The following CCDC88C variants were observed in gnomAD, a reference collection of about 807,000 sequenced individuals.
CCDC88C encodes the protein coiled-coil and HOOK domain protein 88C.
In CCDC88C, 131 loss-of-function variants were observed where a neutral mutation model predicts 198.8. The ratio of observed to expected loss-of-function variants is 0.66; its 90% CI spans 0.57 to 0.76. The LOEUF (loss-of-function observed/expected upper bound fraction) is 0.76, where lower values mean the gene tolerates loss of function less well. Ranked by LOEUF, CCDC88C falls within the 30% of genes least tolerant of loss-of-function variation. The pLI, the probability that CCDC88C is intolerant of heterozygous loss-of-function variation, is 0.00. For synonymous variants in CCDC88C, 1,166 were observed against 1,114.7 expected, an observed-to-expected ratio of 1.05 and a Z score of -0.92; for missense variants, 2,553 against 2,631.6, an observed-to-expected ratio of 0.97 and a Z score of 0.65.
chr14:91,369,269 T>C (rs1285815), intron 3 of CCDC88C, among the ~76,000 whole-genome samples: 124,532 of 152,222 alleles, frequency 0.82, 51,429 homozygotes, highest in African/African-American at 0.86. Flanking sequence ...TGCAATGGCG[T>C]GATCTCGGCT....
At chr14:91,307,792 GCA>G (rs1210990264) in intron 17 of CCDC88C, among the ~76,000 whole-genome samples, 6 of 152,220 alleles carry the variant, frequency 3.9e-5, no homozygotes, top group Non-Finnish European at 7.3e-5. Flanking sequence ...TGTGGAGTGT[GCA>G]CACACGTGGT....
At chr14:91,301,892 A>G (rs1288118847) in intron 20 of CCDC88C, among the ~76,000 whole-genome samples, 1 of 152,202 alleles carries the variant, frequency 6.6e-6, no homozygotes, top group African/African-American at 2.4e-5. Context: ...GTCTAGACAC[A>G]GCACCACGTA....
Position 91,313,447 on chromosome 14 carries a change from C to G in CCDC88C, c.2369G>C (p.Gly790Ala). 6.2e-7 allele frequency: 1 copy of G among 1,607,546 alleles called. No homozygotes were observed. Among genetic ancestry groups the G allele is most frequent in the Non-Finnish European group, 8.5e-7 (1 of 1,179,640 alleles). Residue 790 changes from glycine (G) to alanine (A), a missense_variant, in exon 15 of 30, where the codon GGC becomes GCC. By Grantham distance (60) the Gly-to-Ala change is moderately conservative (BLOSUM62 0). Coordinates refer to ENST00000389857, the MANE Select transcript of CCDC88C (RefSeq NM_001080414.4). The surrounding 1 kb of genome is among the most constrained non-coding windows in gnomAD (Gnocchi z 5.2). Reference sequence around the variant, plus strand: ...CGCCTGGCGCTCAGCCTCCAGCTCGCCCAGCTCACTCTCCAAGGTCTGCGT... The same window carrying G: ...CGCCTGGCGCTCAGCCTCCAGCTCGGCCAGCTCACTCTCCAAGGTCTGCGT... Reference protein sequence around the residue: ...HKTQTLESELGELEAERQALR... With the variant: ...HKTQTLESELAELEAERQALR...
At chr14:91,395,871 G>A (rs890088021) in intron 3 of CCDC88C, among the ~76,000 whole-genome samples, 1 of 152,084 alleles carries the variant, frequency 6.6e-6, no homozygotes, top group Non-Finnish European at 1.5e-5. Flanking sequence ...CCAGTGGAAC[G>A]TGGCAGCCTT....
At chr14:91,285,846 T>C (rs1224344810) in intron 25 of CCDC88C, 1 of 1,278,890 alleles carries the variant, frequency 7.8e-7, no homozygotes, top group Non-Finnish European at 1.0e-6. Flanking sequence ...GCTAAATTGT[T>C]ATCAATCGGA....
At position 91,290,812 on chromosome 14, in the gene CCDC88C, C is replaced by T. The variant is rs2277508; in HGVS notation, c.4202+183G>A. ...TTGGGGTCACCAGACATTGGCCACC[C>T]CTCACAGGACAAGCTAGAGTACAGA... On this transcript the variant is annotated intron_variant, in intron 24 of 29. Transcript: ENST00000389857. 1.5e-4 allele frequency among the ~76,000 whole-genome samples: 23 copies of T among 152,312 alleles called. 1 individual carries two copies. In the East Asian group the frequency reaches 4.4e-3, roughly 29 times the overall value.
At chr14:91,336,825 C>T (rs1163802325) in intron 10 of CCDC88C, among the ~76,000 whole-genome samples, 1 of 152,242 alleles carries the variant, frequency 6.6e-6, no homozygotes, top group Non-Finnish European at 1.5e-5. Context: ...CCAGAGCCTC[C>T]AGGGCCCGGC....
intron 3 of CCDC88C, among the ~76,000 whole-genome samples, chr14:91,374,122 G>A (rs1430863168): frequency 6.6e-6 from 1 of 152,244 alleles, no homozygotes; most frequent in Non-Finnish European, 1.5e-5. Flanking sequence ...GGAACTGGCT[G>A]CGGGGAGGAA....
At chr14:91,372,024 A>G (rs12895002) in intron 3 of CCDC88C, among the ~76,000 whole-genome samples, 14,471 of 152,176 alleles carry the variant, frequency 0.095, 885 homozygotes, top group Admixed American at 0.18. Flanking sequence ...TCAGGGTACG[A>G]GCACCACAGC....
At chr14:91,289,592 T>G (rs1336981608) in intron 24 of CCDC88C, among the ~76,000 whole-genome samples, 1 of 152,340 alleles carries the variant, frequency 6.6e-6, no homozygotes, top group South Asian at 2.1e-4. Flanking sequence ...AAATCCACTC[T>G]AGTCTCCCAG....
In CCDC88C at chr14:91,375,987, T is replaced by C. The variant is rs11627414; in HGVS notation, c.271-16276A>G. On this transcript the variant is annotated intron_variant, in intron 3 of 29. Coordinates refer to ENST00000389857, the MANE Select transcript of CCDC88C (RefSeq NM_001080414.4). ...AGTGGCGAGGCTGGGGCTGGAAACG[T>C]AGACCTTCCAGCCCCGCGAGTTCAC... 2.4e-3 allele frequency among the ~76,000 whole-genome samples: 360 copies of C among 152,266 alleles called. 1 individual carries two copies. The highest frequency in any genetic ancestry group is 3.6e-3 in the Non-Finnish European group (248 of 68,012).
intron 3 of CCDC88C, among the ~76,000 whole-genome samples, chr14:91,382,960 G>A (rs1884896253): frequency 6.6e-6 from 1 of 152,150 alleles, no homozygotes; most frequent in South Asian, 2.1e-4. Context: ...CTACAAAGCA[G>A]GGGCCTGTCA....
chr14:91,288,842 G>T lies in CCDC88C; in HGVS notation c.4441+263C>A. The T allele has an allele frequency of 2.9e-6, 1 of 345,962 alleles. No individual in the cohort carries two copies. Among genetic ancestry groups the T allele is most frequent in the African/African-American group, 2.1e-5 (1 of 47,278 alleles). 21.4% of individuals were successfully genotyped at this position (345,962 alleles called of 1,614,324 possible). On this transcript the variant is annotated intron_variant, in intron 25 of 29. Coordinates refer to ENST00000389857, the MANE Select transcript of CCDC88C (RefSeq NM_001080414.4). The surrounding 1 kb of genome is among the most constrained non-coding windows in gnomAD (Gnocchi z 4.2). ...TCACTTGAACCTGGGAGGCAGCCAG[G>T]CTGCACTCTAGCCTGGGCAACAAGA... is the stretch of plus-strand genomic sequence containing the variant.
chr14:91,309,960 G>T lies in CCDC88C; in HGVS notation c.2763C>A (p.Ser921Arg). 1 of 1,601,534 alleles carries T rather than the reference G, an allele frequency of 6.2e-7. No individual in the cohort carries two copies. Residue 921 changes from serine to arginine, a missense_variant, in exon 16 of 30, where the codon AGC becomes AGA. By Grantham distance (110) the Ser-to-Arg change is moderately radical. This residue lies in a region of CCDC88C where 1,260 missense variants were observed against 1,412.0 expected (regional missense o/e 0.89). Transcript: ENST00000389857. ...REDLVLEKLKSQQLSSELDKL... is the reference protein window; with the variant it reads ...REDLVLEKLKRQQLSSELDKL... ...TGTCCAGCTCACTGCTGAGCTGCTG[G>T]CTCTTCAGCTTCTCGAGCACCAGGT...
intron 3 of CCDC88C, among the ~76,000 whole-genome samples, chr14:91,387,033 G>T (rs1436848722): frequency 6.6e-6 from 1 of 152,276 alleles, no homozygotes; most frequent in African/African-American, 2.4e-5. Context: ...ATCTAACCTT[G>T]TTGTGATTCC....
chr14:91,402,407 G>A (rs1347181728), intron 3 of CCDC88C, among the ~76,000 whole-genome samples: 2 of 152,200 alleles, frequency 1.3e-5, no homozygotes, highest in South Asian at 2.1e-4. Flanking sequence ...AACTACCACA[G>A]AGGCTGACAT....
intron 22 of CCDC88C, among the ~76,000 whole-genome samples, chr14:91,295,927 G>C (rs544309969): frequency 1.3e-5 from 2 of 152,122 alleles, no homozygotes; most frequent in Non-Finnish European, 2.9e-5. Flanking sequence ...AGGAAATCTC[G>C]ACACGTAGAT....
intron 3 of CCDC88C, among the ~76,000 whole-genome samples, chr14:91,369,478 T>C (rs1894686685): frequency 6.6e-6 from 1 of 152,224 alleles, no homozygotes; most frequent in African/African-American, 2.4e-5. Context: ...AGTGCTGGGA[T>C]CACAGGTGTG....
At chr14:91,294,431 A>C in intron 22 of CCDC88C, 113 bp from the exon 23 acceptor site, 1 of 1,254,604 alleles carries the variant, frequency 8.0e-7, no homozygotes, top group Non-Finnish European at 1.1e-6. Context: ...AACGCAGCAT[A>C]ATCTACGCCA....
Sources: gnomAD v4.1 joint callset for allele counts (sites outside exome capture counted in the v4.1 genomes callset) on GRCh38, gnomAD v4.1.1 for gene constraint, gnomAD v4.1.1 regional missense constraint, Gnocchi (gnomAD v3.1) non-coding constraint, MANE v1.5 for transcripts, NCBI Gene and HGNC (gene_info 2026-07-23, HGNC 2026-07-21) for gene names.